The following PRKCE variants were observed in gnomAD, a reference collection of about 807,000 sequenced individuals.
PRKCE encodes protein kinase C epsilon.
PRKCE carries 16 observed loss-of-function variants against 85.4 expected under a neutral mutation model. The observed-to-expected ratio is 0.19, with a 90% confidence interval of 0.13 to 0.28. The LOEUF (loss-of-function observed/expected upper bound fraction) is 0.28, where lower values mean the gene tolerates loss of function less well. Among genes scored for constraint, PRKCE ranks in the 10% least tolerant of loss-of-function variants. The probability of loss-of-function intolerance (pLI) is 1.00; values close to 1 mark genes in which losing one functional copy is unlikely to be tolerated. For missense variants in PRKCE, 573 were observed against 975.2 expected, an observed-to-expected ratio of 0.59 and a Z score of 5.49; for synonymous variants, 388 against 371.5, an observed-to-expected ratio of 1.04 and a Z score of -0.51.
chr2:45,772,285 A>T (rs1243334233), intron 1 of PRKCE, among the ~76,000 whole-genome samples: 2 of 152,090 alleles, frequency 1.3e-5, no homozygotes, highest in East Asian at 3.8e-4. Flanking sequence ...AAATAAAAAA[A>T]AAAAAAGCCA....
intron 10 of PRKCE, among the ~76,000 whole-genome samples, chr2:46,046,371 C>T (rs1708524176): frequency 6.6e-6 from 1 of 152,228 alleles, no homozygotes; most frequent in Non-Finnish European, 1.5e-5. Context: ...TATGCAGTGA[C>T]ACCTAGCTCC....
chr2:46,148,530 G>C (rs960540612), intron 12 of PRKCE, among the ~76,000 whole-genome samples: 1 of 152,216 alleles, frequency 6.6e-6, no homozygotes, highest in African/African-American at 2.4e-5. Context: ...CCGAGAAGCT[G>C]GAGGGCAGCC....
At chr2:45,836,644 A>G (rs2105440568) in intron 1 of PRKCE, among the ~76,000 whole-genome samples, 1 of 152,268 alleles carries the variant, frequency 6.6e-6, no homozygotes, top group South Asian at 2.1e-4. Flanking sequence ...GTGAAGGGGT[A>G]CAGGACTTGG....
intron 1 of PRKCE, among the ~76,000 whole-genome samples, chr2:45,817,771 A>C (rs1412426469): frequency 1.4e-4 from 21 of 152,166 alleles, no homozygotes; most frequent in Admixed American, 1.4e-3. Flanking sequence ...GCCTGTCTGC[A>C]GTCACCCTAT....
chr2:45,903,680 G>A (rs1432249015), intron 2 of PRKCE, among the ~76,000 whole-genome samples: 1 of 152,126 alleles, frequency 6.6e-6, no homozygotes, highest in African/African-American at 2.4e-5. Context: ...AGATGTTCAG[G>A]GAAGCCTAGA....
chr2:46,047,868 G>A (rs189549025), intron 10 of PRKCE, among the ~76,000 whole-genome samples: 174 of 152,306 alleles, frequency 1.1e-3, no homozygotes, highest in African/African-American at 3.7e-3. Context: ...CATACAGGAA[G>A]TTTTCTGTCA....
At chr2:45,707,290 T>G (rs1287886914) in intron 1 of PRKCE, among the ~76,000 whole-genome samples, 1 of 152,260 alleles carries the variant, frequency 6.6e-6, no homozygotes. Context: ...GCCTTTCTTC[T>G]GCTCATCAAG....
intron 14 of PRKCE, among the ~76,000 whole-genome samples, chr2:46,166,312 C>T (rs1182746347): frequency 6.6e-6 from 1 of 152,242 alleles, no homozygotes; most frequent in Non-Finnish European, 1.5e-5. Flanking sequence ...CATCCTCATC[C>T]TCTGTTCTGG....
chr2:46,013,348 G>A (rs558974962), intron 10 of PRKCE, among the ~76,000 whole-genome samples: 11 of 152,294 alleles, frequency 7.2e-5, no homozygotes, highest in African/African-American at 2.6e-4. Flanking sequence ...AGATTGGGAG[G>A]TTATTCTAAA....
At chr2:45,709,347 T>A (rs1679406760) in intron 1 of PRKCE, among the ~76,000 whole-genome samples, 1 of 152,238 alleles carries the variant, frequency 6.6e-6, no homozygotes, top group South Asian at 2.1e-4. Flanking sequence ...AGGGCTGGTG[T>A]GATGGAAGAT....
chr2:45,843,106 C>T (rs1439457861), intron 2 of PRKCE, 43 bp downstream of exon 2: 4 of 1,566,470 alleles, frequency 2.6e-6, no homozygotes, highest in South Asian at 1.1e-5. Context: ...TTCCATTGGC[C>T]CTTTGCCTTC....
chr2:45,783,890 T>C (rs143911119), intron 1 of PRKCE, among the ~76,000 whole-genome samples: 3 of 152,336 alleles, frequency 2.0e-5, no homozygotes, highest in African/African-American at 7.2e-5. Context: ...ACAGAAAGCA[T>C]AGATCTGTCT....
At chr2:45,691,982 A>C (rs764200437) in intron 1 of PRKCE, among the ~76,000 whole-genome samples, 1 of 152,236 alleles carries the variant, frequency 6.6e-6, no homozygotes, top group Non-Finnish European at 1.5e-5. Flanking sequence ...TATCTTAGGA[A>C]AATGATAGTT....
chr2:45,786,999 G>A lies in PRKCE; in HGVS notation c.349-56001G>A, dbSNP rs1686650642. Among the ~76,000 whole-genome samples, 1 of 152,220 alleles carries A rather than the reference G, an allele frequency of 6.6e-6. No individual in the cohort carries two copies. The highest frequency in any genetic ancestry group is 6.5e-5 in the Admixed American group (1 of 15,290). ...TTGGTTCAAGTCGGGATTTCCCATC[G>A]GTTTCCCCTGGATCCGATGATCCTA... On this transcript the variant is annotated intron_variant, in intron 1 of 14. Transcript: ENST00000306156. This position sits in a 1 kb window ranked among gnomAD's most constrained non-coding sequence, Gnocchi z 5.3.
chr2:45,995,000 G>A (rs890225854), intron 6 of PRKCE, among the ~76,000 whole-genome samples: 1 of 152,090 alleles, frequency 6.6e-6, no homozygotes, highest in Admixed American at 6.5e-5. Flanking sequence ...GGTGTGTAGT[G>A]GTATCTCATT....
intron 2 of PRKCE, among the ~76,000 whole-genome samples, chr2:45,920,322 A>G (rs944272304): frequency 6.6e-6 from 1 of 152,122 alleles, no homozygotes; most frequent in Non-Finnish European, 1.5e-5. Flanking sequence ...ATACAGGACT[A>G]TAAAATGGTG....
At chr2:46,102,959 G>A (rs553487045) in intron 11 of PRKCE, among the ~76,000 whole-genome samples, 1 of 152,122 alleles carries the variant, frequency 6.6e-6, no homozygotes, top group South Asian at 2.1e-4. Context: ...TCTTTGCAAA[G>A]AAGTATTATA....
At chr2:45,939,031 C>T (rs1213329939) in intron 2 of PRKCE, among the ~76,000 whole-genome samples, 3 of 152,174 alleles carry the variant, frequency 2.0e-5, no homozygotes, top group Non-Finnish European at 4.4e-5. Context: ...ACCCTGCTGT[C>T]CCAGTGAAAT....
At chr2:46,153,466 T>G (rs962257368) in intron 13 of PRKCE, among the ~76,000 whole-genome samples, 2 of 152,150 alleles carry the variant, frequency 1.3e-5, no homozygotes, top group Admixed American at 6.5e-5. Context: ...AAAAGACACA[T>G]GCAGAGGCTC....
Sources: allele counts gnomAD v4.1 joint callset (sites outside exome capture counted in the v4.1 genomes callset), GRCh38; gene constraint gnomAD v4.1.1; non-coding constraint Gnocchi (gnomAD v3.1); transcripts MANE v1.5; gene names NCBI Gene and HGNC (gene_info 2026-07-23, HGNC 2026-07-21).